Variants in TENM2 observed in about 807,000 individuals in gnomAD.
The protein encoded by TENM2 is teneurin-2.
A neutral mutation model predicts 245.2 loss-of-function variants in TENM2; 52 were observed. The observed-to-expected ratio is 0.21, with a 90% confidence interval of 0.17 to 0.27. The LOEUF (loss-of-function observed/expected upper bound fraction) is 0.27, where lower values mean the gene tolerates loss of function less well. Among genes scored for constraint, TENM2 ranks in the 10% least tolerant of loss-of-function variants. TENM2 has a pLI of 1.00. For missense variants in TENM2, 3,046 were observed against 3,666.8 expected, an observed-to-expected ratio of 0.83 and a Z score of 4.37; for synonymous variants, 1,363 against 1,438.9, an observed-to-expected ratio of 0.95 and a Z score of 1.19.
At chr5:168,061,808 G>A (rs1790059692) in intron 6 of TENM2, among the ~76,000 whole-genome samples, 1 of 152,212 alleles carries the variant, frequency 6.6e-6, no homozygotes, top group East Asian at 1.9e-4. Flanking sequence ...GATTATATTT[G>A]ATCAGTAAAG....
chr5:168,119,245 C>T (rs74798444), intron 10 of TENM2, among the ~76,000 whole-genome samples: 1 of 152,292 alleles, frequency 6.6e-6, no homozygotes, highest in East Asian at 1.9e-4. Flanking sequence ...GCCTTTCACA[C>T]ACATGGGTGA....
intron 13 of TENM2, among the ~76,000 whole-genome samples, chr5:168,181,575 G>C (rs894794626): frequency 6.6e-6 from 1 of 151,908 alleles, no homozygotes; most frequent in Admixed American, 6.5e-5. Flanking sequence ...CTCTGGACTT[G>C]GAAGTCAGAG....
intron 4 of TENM2, among the ~76,000 whole-genome samples, chr5:167,958,093 A>G (rs1210549097): frequency 6.6e-6 from 1 of 152,138 alleles, no homozygotes; most frequent in Non-Finnish European, 1.5e-5. Context: ...ACCCATTATT[A>G]TTGCGTGGGA....
chr5:167,593,245 A>G (rs550292827), intron 2 of TENM2, among the ~76,000 whole-genome samples: 1 of 152,198 alleles, frequency 6.6e-6, no homozygotes, highest in African/African-American at 2.4e-5. Context: ...TACAAAAAAG[A>G]TGACTTTGAG....
the TENM2 span, among the ~76,000 whole-genome samples, chr5:167,225,349 G>C: frequency 6.6e-6 from 1 of 151,968 alleles, no homozygotes; most frequent in Non-Finnish European, 1.5e-5. Context: ...TTAATGCCTA[G>C]TTTGTTGAAG....
intron 2 of TENM2, among the ~76,000 whole-genome samples, chr5:167,864,935 T>C (rs1772173597): frequency 6.6e-6 from 1 of 152,202 alleles, no homozygotes; most frequent in Non-Finnish European, 1.5e-5. Context: ...TAAAAATGAG[T>C]AAGATGAATT....
chr5:167,016,122 C>T, the TENM2 span, among the ~76,000 whole-genome samples: 30 of 151,734 alleles, frequency 2.0e-4, no homozygotes, highest in Admixed American at 1.4e-3. Flanking sequence ...TGCATGGTGG[C>T]GGGCGCCTGT....
At chr5:167,209,106 A>G in the TENM2 span, among the ~76,000 whole-genome samples, 1 of 152,260 alleles carries the variant, frequency 6.6e-6, no homozygotes, top group East Asian at 1.9e-4. Flanking sequence ...TTTGGGGCAC[A>G]TTGTTTAAAT....
chr5:167,802,737 A>G (rs1472655053), intron 2 of TENM2, among the ~76,000 whole-genome samples: 4 of 152,084 alleles, frequency 2.6e-5, no homozygotes, highest in Non-Finnish European at 4.4e-5. Flanking sequence ...GCATCTTCTG[A>G]TGGTTTAAAT....
chr5:167,481,437 A>G (rs573609387), intron 2 of TENM2, among the ~76,000 whole-genome samples: 1 of 152,356 alleles, frequency 6.6e-6, no homozygotes, highest in South Asian at 2.1e-4. Flanking sequence ...TTAGTGTTCC[A>G]TAAATAAAGT....
chr5:167,853,145 C>T (rs1220243182), intron 2 of TENM2, among the ~76,000 whole-genome samples: 1 of 151,354 alleles, frequency 6.6e-6, no homozygotes, highest in Non-Finnish European at 1.5e-5. Context: ...AAAAAATTAG[C>T]CGGGCGTGGT....
intron 7 of TENM2, among the ~76,000 whole-genome samples, chr5:168,079,283 A>G (rs1791761646): frequency 6.6e-6 from 1 of 152,240 alleles, no homozygotes; most frequent in African/African-American, 2.4e-5. Context: ...TTGATTTTGT[A>G]TCCTGAGACT....
chr5:167,899,225 A>C (rs1775491750), intron 3 of TENM2, among the ~76,000 whole-genome samples: 1 of 152,132 alleles, frequency 6.6e-6, no homozygotes, highest in Non-Finnish European at 1.5e-5. Context: ...GAGAAGAAGA[A>C]AGCAAAAGGG....
intron 7 of TENM2, among the ~76,000 whole-genome samples, chr5:168,079,603 C>T (rs1473118049): frequency 6.6e-6 from 1 of 152,102 alleles, no homozygotes; most frequent in Admixed American, 6.5e-5. Context: ...AGATACATCC[C>T]ATCAATACCT....
At chr5:167,165,153 G>A in the TENM2 span, 1 of 152,156 alleles carries the variant, frequency 6.6e-6, no homozygotes, top group African/African-American at 2.4e-5. Context: ...GCTATAATAA[G>A]TAACCTTCAA....
intron 7 of TENM2, among the ~76,000 whole-genome samples, chr5:168,083,047 G>A (rs190516961): frequency 7.2e-5 from 11 of 152,282 alleles, no homozygotes; most frequent in South Asian, 4.1e-4. Flanking sequence ...CCCTGCCCCC[G>A]AGGTGGAGTC....
At chr5:167,702,857 G>A (rs1473134631) in intron 2 of TENM2, among the ~76,000 whole-genome samples, 2 of 152,004 alleles carry the variant, frequency 1.3e-5, no homozygotes, top group African/African-American at 4.8e-5. Context: ...TAGAGACGGT[G>A]TTTCACCATG....
chr5:167,334,288 A>G (rs912839340), intron 1 of TENM2, among the ~76,000 whole-genome samples: 1 of 152,172 alleles, frequency 6.6e-6, no homozygotes, highest in Non-Finnish European at 1.5e-5. Flanking sequence ...CCAAACTTAA[A>G]AACTGACCTT....
chr5:167,495,053 G>A (rs1439918271), intron 2 of TENM2, among the ~76,000 whole-genome samples: 2 of 151,908 alleles, frequency 1.3e-5, no homozygotes, highest in East Asian at 3.9e-4. Flanking sequence ...AGTTTTTATT[G>A]TAATAATTTA....
Sources: allele counts gnomAD v4.1 joint callset (sites outside exome capture counted in the v4.1 genomes callset), GRCh38; gene constraint gnomAD v4.1.1; transcripts MANE v1.5; gene names NCBI Gene and HGNC (gene_info 2026-07-23, HGNC 2026-07-21).